SERINC4: variants seen among roughly 807,000 people sequenced by gnomAD.
The protein encoded by SERINC4 is serine incorporator 4.
A neutral mutation model predicts 52.0 loss-of-function variants in SERINC4; 52 were observed. The observed-to-expected ratio is 1.00, with a 90% CI of 0.80 to 1.26. The LOEUF (loss-of-function observed/expected upper bound fraction) is 1.26, where lower values mean the gene tolerates loss of function less well. Among genes scored for constraint, SERINC4 ranks in the 50% most tolerant of loss-of-function variants. SERINC4 has a pLI of 0.00. For synonymous variants in SERINC4, 264 were observed against 247.7 expected (o/e 1.07, Z -0.62); for missense variants, 723 against 632.8 (o/e 1.14, Z -1.53).
At chr15:43,796,273 T>G (rs2087214248) in intron 8 of SERINC4, 46 bp from the exon 9 acceptor site, 2 of 1,447,694 alleles carry the variant, frequency 1.4e-6, no homozygotes. Flanking sequence ...AAATAGGGAT[T>G]ATCTGGGGGC....
At chr15:43,795,894 G>T in intron 9 of SERINC4, 158 bp from the exon 10 acceptor site, 1 of 719,514 alleles carries the variant, frequency 1.4e-6, no homozygotes, top group African/African-American at 1.8e-5. Flanking sequence ...TGCAGACTTT[G>T]GTAAGATGTT....
At chr15:43,797,006 G>A in intron 6 of SERINC4, 66 bp from the exon 7 acceptor site, 2 of 1,487,578 alleles carry the variant, frequency 1.3e-6, no homozygotes, top group Non-Finnish European at 1.9e-6. Context: ...ACCCCCACTT[G>A]TACTTCTGTC....
In SERINC4 at chr15:43,797,271, C is replaced by G; in HGVS notation, c.718G>C (p.Ala240Pro). ...GTATAATAGTGGAATAGGAGCACAG[C>G]TCCCACACCTGCCATGCTGTAGAAT... Reference protein sequence around the residue: ...LGFYSMAGVGAVLLFHYYTHP... With the variant: ...LGFYSMAGVGPVLLFHYYTHP... Residue 240 changes from alanine to proline, a missense_variant, in exon 6 of 12, where the codon GCT becomes CCT. Coordinates refer to ENST00000319327, the MANE Select transcript of SERINC4 (RefSeq NM_001258031.2). 6.5e-7 allele frequency: 1 copy of G among 1,550,198 alleles called. No individual in the cohort carries two copies. Among genetic ancestry groups the G allele is most frequent in the Non-Finnish European group, 8.7e-7 (1 of 1,146,964 alleles).
intron 1 of SERINC4, 44 bp downstream of exon 1, chr15:43,799,841 C>T (rs1041487656): frequency 2.0e-5 from 28 of 1,417,886 alleles, no homozygotes; most frequent in Non-Finnish European, 2.7e-5. Flanking sequence ...TTCTGCACGT[C>T]TTCCTCCCCA....
chr15:43,795,242 A>T, intron 11 of SERINC4, 29 bp from the exon 12 acceptor site: 1 of 1,609,084 alleles, frequency 6.2e-7, no homozygotes, highest in South Asian at 1.1e-5. Context: ...TGGTTAGAGA[A>T]TATGAAGGGC....
At chr15:43,796,801 C>T (rs369044649) in intron 7 of SERINC4, 44 bp downstream of exon 7, 53 of 1,609,094 alleles carry the variant, frequency 3.3e-5, no homozygotes, top group Non-Finnish European at 4.5e-5. Flanking sequence ...TTGGCAGGGG[C>T]AAAAAAAGGT....
chr15:43,796,111 T>G (rs1450811720), intron 9 of SERINC4, 44 bp downstream of exon 9: 9 of 1,369,620 alleles, frequency 6.6e-6, no homozygotes, highest in Non-Finnish European at 8.4e-6. Flanking sequence ...TGTCTTTGTG[T>G]GGGGGAGGGA....
rs2087199576 is a variant in SERINC4, at chr15:43,795,738, T to C, written c.1141-2A>G. 2 of 1,613,784 alleles carry C rather than the reference T, an allele frequency of 1.2e-6. No individual in the cohort carries two copies. The highest frequency in any genetic ancestry group is 8.5e-7 in the Non-Finnish European group (1 of 1,179,850). ...GCAGCAGAAACACAGTGAGGGCTTC[T>C]GCAAAACAGAACGCAGGTTTTGGAA... On this transcript the variant is annotated splice_acceptor_variant, in intron 9 of 11. Coordinates refer to ENST00000319327, the MANE Select transcript of SERINC4 (RefSeq NM_001258031.2). LOFTEE classifies it high-confidence loss of function.
Position 43,795,419 on chromosome 15 carries a change from AGAGT to A in SERINC4, c.1308_1311del (p.Leu437MetfsTer64), listed in dbSNP as rs761385821. 16 of 1,614,184 alleles carry A rather than the reference AGAGT, an allele frequency of 9.9e-6. No individual in the cohort carries two copies. In the Admixed American group the frequency reaches 2.7e-4, roughly 27 times the overall value. On this transcript the variant is annotated frameshift_variant, in exon 11 of 12. Coordinates refer to ENST00000319327, the MANE Select transcript of SERINC4 (RefSeq NM_001258031.2). LOFTEE classifies it high-confidence loss of function. Reference sequence around the variant, plus strand: ...CAGTTGGTAAGGGTAACCATGACATAGAGTGAGGCAAGGAAGAAGACGAAGTGGA... The same window carrying A: ...CAGTTGGTAAGGGTAACCATGACATAGAGGCAAGGAAGAAGACGAAGTGGA...
intron 9 of SERINC4, 93 bp from the exon 10 acceptor site, chr15:43,795,829 TA>T: frequency 7.4e-7 from 1 of 1,356,372 alleles, no homozygotes; most frequent in Non-Finnish European, 1.0e-6. Flanking sequence ...GGTCTAGTAT[TA>T]AAAAGTGGAG....
chr15:43,800,064 T>C lies in SERINC4; in HGVS notation c.-78A>G, dbSNP rs541239528. On this transcript the variant is annotated 5_prime_UTR_variant, in exon 1 of 12. It removes an upstream start codon present in the reference 5' UTR. Coordinates refer to ENST00000319327, the MANE Select transcript of SERINC4 (RefSeq NM_001258031.2). ...AGCAGTTGCTTCTGTCCTCAGCCCA[T>C]TGGACTGCCACTGTGTTGGGGCTGA... 8 of 1,100,162 alleles carry C rather than the reference T, an allele frequency of 7.3e-6. No individual in the cohort carries two copies. In the South Asian group the frequency reaches 8.1e-5, roughly 11 times the overall value. 68.2% of individuals were successfully genotyped at this position (1,100,162 alleles called of 1,614,324 possible). A position where few individuals can be genotyped will look rare whatever the true frequency, so the allele number is the denominator to read the frequency against.
At chr15:43,795,262 T>C in intron 11 of SERINC4, 49 bp from the exon 12 acceptor site, 1 of 1,603,030 alleles carries the variant, frequency 6.2e-7, no homozygotes, top group Non-Finnish European at 8.5e-7. Flanking sequence ...CCTTAGCTTT[T>C]AGACCTGTTC....
chr15:43,795,418 T>C lies in SERINC4; in HGVS notation c.1313A>G (p.Tyr438Cys), dbSNP rs1283753706. The C allele has an allele frequency of 2.5e-6, 4 of 1,613,950 alleles. No homozygotes were observed. Among genetic ancestry groups the C allele is most frequent in the Non-Finnish European group, 3.4e-6 (4 of 1,180,008 alleles). ...CCAGTTGGTAAGGGTAACCATGACA[T>C]AGAGTGAGGCAAGGAAGAAGACGAA... ...FHFVFFLASL[Y>C]VMVTLTNWFS... The change falls in exon 11 of 12, where the codon TAT becomes TGT. Residue 438 changes from tyrosine to cysteine, a missense_variant. Coordinates refer to ENST00000319327, the MANE Select transcript of SERINC4 (RefSeq NM_001258031.2).
chr15:43,795,293 T>C (rs2087182131), intron 11 of SERINC4, 80 bp from the exon 12 acceptor site: 1 of 1,588,898 alleles, frequency 6.3e-7, no homozygotes, highest in South Asian at 1.1e-5. Flanking sequence ...CCAAATATAA[T>C]GGCAGACCCA....
chr15:43,797,299 T>A lies in SERINC4; in HGVS notation c.690A>T (p.Leu230=). 6.5e-7 allele frequency: 1 copy of A among 1,549,538 alleles called. No individual in the cohort carries two copies. The highest frequency in any genetic ancestry group is 8.7e-7 in the Non-Finnish European group (1 of 1,146,902). Residue 230 remains leucine, a synonymous_variant, in exon 6 of 12, where the codon CTA becomes CTT. Transcript: ENST00000319327. ...SWFLAVLLAT[L]GFYSMAGVGA... ...CCACACCTGCCATGCTGTAGAATCC[T>A]AGGGTGGCCAGCAGGACAGCCAGGA...
chr15:43,800,071 G>T lies in SERINC4; in HGVS notation c.-85C>A. The stretch of plus-strand genomic sequence containing the variant: ...GCTTCTGTCCTCAGCCCATTGGACT[G>T]CCACTGTGTTGGGGCTGAGCACCCG... On this transcript the variant is annotated 5_prime_UTR_variant, in exon 1 of 12. Transcript: ENST00000319327. 1 of 1,054,046 alleles carries T rather than the reference G, an allele frequency of 9.5e-7. No individual in the cohort carries two copies. The highest frequency in any genetic ancestry group is 1.3e-6 in the Non-Finnish European group (1 of 748,476). The allele number at this position is 1,054,046 out of a possible 1,614,324, so 65.3% of individuals were successfully genotyped here.
chr15:43,797,970 T>G lies in SERINC4; in HGVS notation c.582A>C (p.Leu194=). 1 of 1,613,646 alleles carries G rather than the reference T, an allele frequency of 6.2e-7. No individual in the cohort carries two copies. The change falls in exon 5 of 12, where the codon CTA becomes CTC. Residue 194 remains leucine (L), a synonymous_variant. Coordinates refer to ENST00000319327, the MANE Select transcript of SERINC4 (RefSeq NM_001258031.2). ...AAGCTGTAATAAGCACCAACTGCAG[T>G]AGGATGAATGCAAAGCCTCCACAGA... The part of the protein sequence containing the change: ...IGICGGFAFI[L]LQLVLITAFA...
intron 3 of SERINC4, 108 bp from the exon 4 acceptor site, chr15:43,798,612 C>T (rs1399230898): frequency 2.5e-6 from 2 of 803,112 alleles, no homozygotes; most frequent in Non-Finnish European, 4.2e-6. Flanking sequence ...GGAAAGAGGA[C>T]AGACGAGACA....
rs1213341811 is a variant in SERINC4 at position 43,799,959 on chromosome 15, G to A, written c.28C>T (p.Pro10Ser). 6.5e-7 allele frequency: 1 copy of A among 1,546,790 alleles called. No homozygotes were observed. Among genetic ancestry groups the A allele is most frequent in the South Asian group, 1.2e-5 (1 of 83,642 alleles). MVGAKAGPS[P>S]GTSLGLAQQH... ...TGTGCCAGGCCCAGGGAGGTGCCGG[G>A]GCTGGGGCCGGCCTTGGCACCCACC... Residue 10 changes from proline to serine, a missense_variant, in exon 1 of 12, where the codon CCC becomes TCC. By Grantham distance (74) the Pro-to-Ser change is moderately conservative (BLOSUM62 -1). Transcript: ENST00000319327.
Sources: allele counts gnomAD v4.1 joint callset, GRCh38; gene constraint gnomAD v4.1.1; transcripts MANE v1.5; gene names NCBI Gene and HGNC (gene_info 2026-07-23, HGNC 2026-07-21).